Variants in NLGN1 observed in about 807,000 individuals in gnomAD.
NLGN1 encodes the protein neuroligin 1, also known as neuroligin-1.
In NLGN1, 12 loss-of-function variants were observed where a neutral mutation model predicts 65.5. The ratio of observed to expected loss-of-function variants is 0.18; its 90% CI spans 0.12 to 0.30. The LOEUF (loss-of-function observed/expected upper bound fraction) is 0.30, where lower values mean the gene tolerates loss of function less well. Ranked by LOEUF, NLGN1 falls within the 10% of genes least tolerant of loss-of-function variation. The pLI, the probability that NLGN1 is intolerant of heterozygous loss-of-function variation, is 1.00. For synonymous variants in NLGN1, 350 were observed against 359.5 expected (o/e 0.97, Z 0.30); for missense variants, 750 against 1,007.1 (o/e 0.74, Z 3.46).
chr3:173,714,469 C>T (rs928970254), intron 3 of NLGN1, among the ~76,000 whole-genome samples: 1 of 152,106 alleles, frequency 6.6e-6, no homozygotes, highest in African/African-American at 2.4e-5. Context: ...AGGCACTGTT[C>T]TTGGTCTCAT....
At chr3:173,401,529 C>T (rs976735516) in intron 1 of NLGN1, among the ~76,000 whole-genome samples, 1 of 150,680 alleles carries the variant, frequency 6.6e-6, no homozygotes, top group African/African-American at 2.4e-5. Flanking sequence ...AACAAGGCTT[C>T]TCTGAGCATT....
At chr3:173,673,067 T>C (rs151036557) in intron 3 of NLGN1, among the ~76,000 whole-genome samples, 492 of 152,324 alleles carry the variant, frequency 3.2e-3, no homozygotes, top group African/African-American at 0.011. Context: ...TTTTAAGTAC[T>C]AAATGGAGAC....
intron 2 of NLGN1, among the ~76,000 whole-genome samples, chr3:173,560,425 G>A (rs539520559): frequency 5.3e-4 from 81 of 152,110 alleles, no homozygotes; most frequent in Non-Finnish European, 1.1e-3. Context: ...GGAGGGAAAA[G>A]GCAGAAGAAA....
intron 1 of NLGN1, among the ~76,000 whole-genome samples, chr3:173,433,335 C>G (rs1717538906): frequency 6.6e-6 from 1 of 152,158 alleles, no homozygotes; most frequent in Non-Finnish European, 1.5e-5. Flanking sequence ...TTCTGCCAAT[C>G]CCCTGTCTCT....
chr3:174,029,836 T>G (rs1729583832), intron 4 of NLGN1, among the ~76,000 whole-genome samples: 1 of 152,194 alleles, frequency 6.6e-6, no homozygotes, highest in African/African-American at 2.4e-5. Context: ...CTGCACAAGC[T>G]ATCTTGCCTA....
intron 1 of NLGN1, among the ~76,000 whole-genome samples, chr3:173,424,892 T>A (rs1337494488): frequency 6.6e-6 from 1 of 152,202 alleles, no homozygotes; most frequent in Non-Finnish European, 1.5e-5. Context: ...AGGTTATCTT[T>A]GTGGCAGTAC....
chr3:173,947,891 T>C (rs1309270893), intron 4 of NLGN1, among the ~76,000 whole-genome samples: 2 of 152,184 alleles, frequency 1.3e-5, no homozygotes, highest in Non-Finnish European at 2.9e-5. Context: ...GGGACTTTAT[T>C]TGATAATTAA....
chr3:174,031,016 T>C (rs1249363765), intron 4 of NLGN1, among the ~76,000 whole-genome samples: 1 of 152,184 alleles, frequency 6.6e-6, no homozygotes, highest in East Asian at 1.9e-4. Flanking sequence ...GGTGAAGAAA[T>C]TTAAGGGAAG....
intron 3 of NLGN1, among the ~76,000 whole-genome samples, chr3:173,686,083 T>A (rs1040374173): frequency 6.6e-6 from 1 of 152,120 alleles, no homozygotes; most frequent in African/African-American, 2.4e-5. Context: ...GGAAATACAT[T>A]GAGTTAAAAC....
chr3:173,747,801 CTTTTTTTTTTTTTTT>C (rs749749824), intron 3 of NLGN1, among the ~76,000 whole-genome samples: 3 of 64,422 alleles, frequency 4.7e-5, no homozygotes, highest in African/African-American at 1.2e-4. Flanking sequence ...TCTTCTTGTT[CTTTTTTTTTTTTTTT>C]TTTTTTTTTT....
intron 4 of NLGN1, among the ~76,000 whole-genome samples, chr3:173,810,862 C>G (rs1274081544): frequency 6.6e-6 from 1 of 152,170 alleles, no homozygotes; most frequent in Non-Finnish European, 1.5e-5. Flanking sequence ...GGTTTCCTTT[C>G]CAGTGGTAAC....
rs1577683339 is a variant in NLGN1 at position 174,265,377 on chromosome 3, T to C, written c.647-9938T>C. On this transcript the variant is annotated intron_variant, in intron 4 of 6. Transcript: ENST00000457714. ...TCCGAGCCAGGTGCGGGATGTAATC[T>C]TGTGGTGCGCCGTTTTTTAAGCCGG... is the stretch of plus-strand genomic sequence containing the variant. Among the ~76,000 whole-genome samples, 5 of 152,278 alleles carry C rather than the reference T, an allele frequency of 3.3e-5. No individual in the cohort carries two copies. In the Middle Eastern group the frequency reaches 0.017, roughly 518 times the overall value.
intron 3 of NLGN1, among the ~76,000 whole-genome samples, chr3:173,759,921 G>T (rs1777712667): frequency 6.6e-6 from 1 of 151,836 alleles, no homozygotes; most frequent in South Asian, 2.1e-4. Context: ...TAATCAACTG[G>T]AATTGGGTGA....
chr3:173,853,016 C>A (rs1727276976), intron 4 of NLGN1, among the ~76,000 whole-genome samples: 1 of 152,160 alleles, frequency 6.6e-6, no homozygotes, highest in Admixed American at 6.5e-5. Flanking sequence ...GATTGCTAAT[C>A]ACAGATTTAC....
intron 3 of NLGN1, among the ~76,000 whole-genome samples, chr3:173,778,573 T>C (rs1243319433): frequency 1.3e-5 from 2 of 151,946 alleles, no homozygotes; most frequent in Non-Finnish European, 2.9e-5. Context: ...TATATACTAA[T>C]ATCTGCTTCT....
At chr3:174,104,529 T>A (rs965102052) in intron 4 of NLGN1, among the ~76,000 whole-genome samples, 1 of 152,198 alleles carries the variant, frequency 6.6e-6, no homozygotes, top group Non-Finnish European at 1.5e-5. Flanking sequence ...TTATAATACT[T>A]GTTTTTAAAA....
chr3:173,429,437 T>A (rs985974117), intron 1 of NLGN1, among the ~76,000 whole-genome samples: 3 of 152,236 alleles, frequency 2.0e-5, no homozygotes, highest in African/African-American at 7.2e-5. Context: ...TCAAAACTAC[T>A]GTTTTGAATA....
intron 3 of NLGN1, among the ~76,000 whole-genome samples, chr3:173,671,461 C>G (rs1261301294): frequency 3.9e-5 from 6 of 151,946 alleles, no homozygotes; most frequent in Admixed American, 2.0e-4. Flanking sequence ...CAGACTGTCT[C>G]AAACAGAAGA....
rs78059063 is a variant in NLGN1, at chr3:173,502,766, C to T, written c.-321+67688C>T. Among the ~76,000 whole-genome samples the T allele has an allele frequency of 7.6e-3, 1,157 of 152,090 alleles. 5 individuals are homozygous for T. Among genetic ancestry groups the T allele is most frequent in the Non-Finnish European group, 0.012 (815 of 67,960 alleles). On this transcript the variant is annotated intron_variant, in intron 2 of 6. Transcript: ENST00000457714. ...GCACAAATCACTGAATTTTAATCGA[C>T]GTCCCCTCCCCTGGCAGTACTTTTA...
Sources: gnomAD v4.1 joint callset for allele counts (sites outside exome capture counted in the v4.1 genomes callset) on GRCh38, gnomAD v4.1.1 for gene constraint, MANE v1.5 for transcripts, NCBI Gene and HGNC (gene_info 2026-07-23, HGNC 2026-07-21) for gene names.